Variants in FAM13A observed in about 807,000 individuals in gnomAD.
The protein encoded by FAM13A is family with sequence similarity 13 member A.
FAM13A carries 76 observed loss-of-function variants against 129.6 expected under a neutral mutation model. That is an observed-to-expected ratio of 0.59 (90% CI 0.49 to 0.71). FAM13A has a LOEUF of 0.71. FAM13A is among the 30% of genes least tolerant of loss of function. The probability of loss-of-function intolerance (pLI) is 0.00; values close to 1 mark genes in which losing one functional copy is unlikely to be tolerated. For missense variants in FAM13A, 1,108 were observed against 1,249.3 expected (o/e 0.89, Z 1.70); for synonymous variants, 443 against 449.9 (o/e 0.98, Z 0.20).
intron 6 of FAM13A, among the ~76,000 whole-genome samples, chr4:88,895,925 T>C (rs781767427): frequency 0.011 from 1,589 of 148,910 alleles, 15 homozygotes; most frequent in Non-Finnish European, 0.016. Context: ...ACTGGGTATA[T>C]ACCCAAAGGA....
intron 7 of FAM13A, among the ~76,000 whole-genome samples, chr4:88,839,023 A>G (rs1195673491): frequency 6.6e-6 from 1 of 151,952 alleles, no homozygotes; most frequent in East Asian, 1.9e-4. Context: ...AAGAATATTA[A>G]ATGTTCTCTC....
chr4:88,850,903 G>GATCT (rs1737446322), intron 7 of FAM13A, 117 bp downstream of exon 7: 1 of 875,178 alleles, frequency 1.1e-6, no homozygotes, highest in Admixed American at 2.1e-5. Context: ...TATCTTTACT[G>GATCT]ATCTATATCC....
At chr4:88,908,564 T>C (rs1250237305) in intron 5 of FAM13A, among the ~76,000 whole-genome samples, 1 of 152,220 alleles carries the variant, frequency 6.6e-6, no homozygotes, top group Non-Finnish European at 1.5e-5. Context: ...CTCTGTGAAT[T>C]AATGGGCACA....
intron 10 of FAM13A, among the ~76,000 whole-genome samples, chr4:88,787,096 AT>A (rs1724125409): frequency 1.3e-5 from 2 of 152,086 alleles, no homozygotes; most frequent in Admixed American, 6.6e-5. Context: ...TTAAGTCATG[AT>A]TATTAAATAA....
At chr4:88,900,992 T>C (rs899892554) in intron 6 of FAM13A, among the ~76,000 whole-genome samples, 3 of 152,058 alleles carry the variant, frequency 2.0e-5, no homozygotes, top group Non-Finnish European at 4.4e-5. Context: ...GAGGTTGTAA[T>C]CCTAGTTTCT....
chr4:88,916,382 C>CA (rs1365548465), intron 5 of FAM13A, among the ~76,000 whole-genome samples: 1 of 151,956 alleles, frequency 6.6e-6, no homozygotes, highest in Non-Finnish European at 1.5e-5. Flanking sequence ...ACAACTTTAT[C>CA]AAAAAAAGCT....
intron 7 of FAM13A, among the ~76,000 whole-genome samples, chr4:88,847,518 C>T (rs1736841539): frequency 1.3e-5 from 2 of 152,256 alleles, no homozygotes; most frequent in Non-Finnish European, 2.9e-5. Context: ...GCTGTTCCTT[C>T]TCTCCATAAC....
chr4:88,826,537 C>T (rs1297418692), intron 7 of FAM13A, among the ~76,000 whole-genome samples: 2 of 152,198 alleles, frequency 1.3e-5, no homozygotes, highest in Non-Finnish European at 2.9e-5. Flanking sequence ...TACTGTGTTA[C>T]AACCTTTTTT....
chr4:89,037,058 T>C (rs1186224703), intron 1 of FAM13A, among the ~76,000 whole-genome samples: 1 of 152,204 alleles, frequency 6.6e-6, no homozygotes, highest in African/African-American at 2.4e-5. Context: ...GGAGCCCCCA[T>C]ACAAGAGTCC....
Position 89,029,662 on chromosome 4 carries a change from T to C in FAM13A, c.28-13A>G. On this transcript the variant is annotated splice_polypyrimidine_tract_variant and intron_variant, in intron 1 of 23. Transcript: ENST00000264344. ...CTGCTTTACTTTGCTTAAAGGAGCG[T>C]AAGAAAAAAGAGCAGTCAGTCATAT... 4 of 1,565,744 alleles carry C rather than the reference T, an allele frequency of 2.6e-6. No homozygotes were observed. Among genetic ancestry groups the C allele is most frequent in the Non-Finnish European group, 3.4e-6 (4 of 1,165,470 alleles).
chr4:88,944,358 T>TA (rs1553900390), intron 4 of FAM13A, among the ~76,000 whole-genome samples: 1 of 151,940 alleles, frequency 6.6e-6, no homozygotes, highest in Non-Finnish European at 1.5e-5. Flanking sequence ...GTTCCTCTTT[T>TA]AAAAAAAAGA....
chr4:89,011,663 A>G (rs1326219097), intron 3 of FAM13A, among the ~76,000 whole-genome samples: 2 of 152,194 alleles, frequency 1.3e-5, no homozygotes, highest in African/African-American at 2.4e-5. Context: ...AATCTCTTCT[A>G]GCTACAGATA....
intron 1 of FAM13A, among the ~76,000 whole-genome samples, chr4:89,050,556 C>A (rs1419140055): frequency 6.6e-6 from 1 of 151,544 alleles, no homozygotes; most frequent in African/African-American, 2.4e-5. Flanking sequence ...TTTTTTTTTA[C>A]AAAAATCAAG....
chr4:88,839,693 C>G (rs1308377104), intron 7 of FAM13A, among the ~76,000 whole-genome samples: 1 of 152,140 alleles, frequency 6.6e-6, no homozygotes. Context: ...TTGAGACCAG[C>G]CTGGTCAACA....
At chr4:88,800,321 C>T (rs1727159167) in intron 8 of FAM13A, among the ~76,000 whole-genome samples, 1 of 152,094 alleles carries the variant, frequency 6.6e-6, no homozygotes, top group Non-Finnish European at 1.5e-5. Flanking sequence ...TTATATTTTA[C>T]CATAATACAA....
chr4:88,793,388 C>T (rs1470674809), intron 8 of FAM13A, among the ~76,000 whole-genome samples: 2 of 151,822 alleles, frequency 1.3e-5, no homozygotes, highest in Non-Finnish European at 2.9e-5. Context: ...GTAATTAAAT[C>T]ATATTCATAT....
At chr4:89,023,596 T>C (rs1767566834) in intron 2 of FAM13A, among the ~76,000 whole-genome samples, 1 of 152,200 alleles carries the variant, frequency 6.6e-6, no homozygotes, top group Non-Finnish European at 1.5e-5. Flanking sequence ...TGGACCAAAC[T>C]AGCAGTCATA....
intron 4 of FAM13A, among the ~76,000 whole-genome samples, chr4:88,974,611 G>A (rs988246188): frequency 6.6e-6 from 1 of 152,026 alleles, no homozygotes; most frequent in Non-Finnish European, 1.5e-5. Context: ...CGAGTAGCTG[G>A]GATTACAGGC....
At chr4:89,005,507 T>C (rs1023321662) in intron 3 of FAM13A, among the ~76,000 whole-genome samples, 32 of 152,232 alleles carry the variant, frequency 2.1e-4, no homozygotes, top group African/African-American at 6.5e-4. Flanking sequence ...CTTTCCACAA[T>C]GGTTGAACAA....
Sources: allele counts gnomAD v4.1 joint callset (sites outside exome capture counted in the v4.1 genomes callset), GRCh38; gene constraint gnomAD v4.1.1; transcripts MANE v1.5; gene names NCBI Gene and HGNC (gene_info 2026-07-23, HGNC 2026-07-21).